ADAMTSL1: variants seen among roughly 807,000 people sequenced by gnomAD.
ADAMTSL1 encodes ADAMTS like 1.
In ADAMTSL1, 126 loss-of-function variants were observed where a neutral mutation model predicts 201.8. That is an observed-to-expected ratio of 0.62 (90% CI 0.54 to 0.72). The LOEUF is 0.72. Among genes scored for constraint, ADAMTSL1 ranks in the 30% least tolerant of loss-of-function variants. ADAMTSL1 has a pLI of 0.00. For synonymous variants in ADAMTSL1, 1,121 were observed against 903.4 expected (o/e 1.24, Z -4.32); for missense variants, 2,679 against 2,277.8 (o/e 1.18, Z -3.59).
chr9:18,728,303 A>C (rs983540266), intron 15 of ADAMTSL1, among the ~76,000 whole-genome samples: 3 of 152,094 alleles, frequency 2.0e-5, no homozygotes, highest in African/African-American at 7.2e-5. Flanking sequence ...CCTGAGAGGG[A>C]AGCTTTTCTG....
chr9:18,247,994 A>G (rs1170914353), intron 2 of ADAMTSL1, among the ~76,000 whole-genome samples: 1 of 152,166 alleles, frequency 6.6e-6, no homozygotes, highest in Non-Finnish European at 1.5e-5. Context: ...GGACTGGGGA[A>G]GACATTCCAA....
At chr9:18,151,357 A>C (rs1459548494) in intron 1 of ADAMTSL1, among the ~76,000 whole-genome samples, 7 of 152,056 alleles carry the variant, frequency 4.6e-5, no homozygotes, top group Non-Finnish European at 1.0e-4. Context: ...ACTAGCAATA[A>C]TTTTAGCTAA....
At chr9:18,421,957 C>T (rs1220050196) in intron 2 of ADAMTSL1, among the ~76,000 whole-genome samples, 2 of 152,142 alleles carry the variant, frequency 1.3e-5, no homozygotes, top group Non-Finnish European at 2.9e-5. Context: ...CTGCATAATC[C>T]TAGCAAAGTA....
chr9:18,720,336 T>C (rs1833256989), intron 14 of ADAMTSL1, among the ~76,000 whole-genome samples: 1 of 152,218 alleles, frequency 6.6e-6, no homozygotes, highest in East Asian at 1.9e-4. Flanking sequence ...AAATAGTGCT[T>C]ACTTTGTGCA....
intron 20 of ADAMTSL1, among the ~76,000 whole-genome samples, chr9:18,804,173 A>T (rs1422924854): frequency 1.3e-5 from 2 of 152,206 alleles, no homozygotes; most frequent in Admixed American, 6.5e-5. Context: ...ATGACTATCA[A>T]CTATTAACTC....
chr9:18,798,959 C>G (rs1822605529), intron 20 of ADAMTSL1, among the ~76,000 whole-genome samples: 1 of 152,088 alleles, frequency 6.6e-6, no homozygotes, highest in African/African-American at 2.4e-5. Context: ...TTGCTCCTCT[C>G]TAAACTCTTC....
intron 1 of ADAMTSL1, among the ~76,000 whole-genome samples, chr9:18,102,919 C>G (rs1225069723): frequency 1.3e-5 from 2 of 152,134 alleles, no homozygotes; most frequent in Non-Finnish European, 2.9e-5. Context: ...GAAAAAAATC[C>G]AGAGACGAAG....
intron 21 of ADAMTSL1, among the ~76,000 whole-genome samples, chr9:18,821,629 G>A (rs565287613): frequency 6.6e-6 from 1 of 152,286 alleles, no homozygotes; most frequent in Admixed American, 6.5e-5. Context: ...GGAGAAACGT[G>A]GAAGGCTGGA....
intron 2 of ADAMTSL1, among the ~76,000 whole-genome samples, chr9:18,168,404 C>T (rs541153252): frequency 6.6e-6 from 1 of 152,160 alleles, no homozygotes; most frequent in East Asian, 1.9e-4. Context: ...TGATAGTTTG[C>T]TGAGAATGAT....
At chr9:18,612,317 G>A (rs1825429897) in intron 4 of ADAMTSL1, among the ~76,000 whole-genome samples, 1 of 152,178 alleles carries the variant, frequency 6.6e-6, no homozygotes, top group African/African-American at 2.4e-5. Flanking sequence ...GGAACCAGTG[G>A]CAGAGAGTTT....
chr9:18,432,539 T>C (rs1368269404), intron 2 of ADAMTSL1, among the ~76,000 whole-genome samples: 1 of 152,182 alleles, frequency 6.6e-6, no homozygotes, highest in Admixed American at 6.5e-5. Context: ...CATTATTCTA[T>C]CTTTCCCATA....
chr9:18,803,633 C>G (rs959500234), intron 20 of ADAMTSL1, among the ~76,000 whole-genome samples: 3 of 152,168 alleles, frequency 2.0e-5, no homozygotes, highest in African/African-American at 7.2e-5. Flanking sequence ...GCTAGACTTT[C>G]TCACGATTTT....
At chr9:18,691,048 G>A (rs1831182980) in intron 13 of ADAMTSL1, among the ~76,000 whole-genome samples, 1 of 152,208 alleles carries the variant, frequency 6.6e-6, no homozygotes, top group African/African-American at 2.4e-5. Context: ...TGACCAAAGT[G>A]TTGAGTACTG....
chr9:18,403,528 T>C (rs1818067019), intron 2 of ADAMTSL1, among the ~76,000 whole-genome samples: 1 of 152,204 alleles, frequency 6.6e-6, no homozygotes, highest in Non-Finnish European at 1.5e-5. Context: ...AAGGAGACCT[T>C]GACCAATTTC....
intron 1 of ADAMTSL1, among the ~76,000 whole-genome samples, chr9:17,985,611 G>T (rs1588525067): frequency 6.6e-6 from 1 of 152,058 alleles, no homozygotes; most frequent in East Asian, 1.9e-4. Flanking sequence ...AGTTTAAGTG[G>T]ATGCAATTTA....
At chr9:18,177,692 G>A (rs1390616460) in intron 2 of ADAMTSL1, among the ~76,000 whole-genome samples, 1 of 152,160 alleles carries the variant, frequency 6.6e-6, no homozygotes, top group Non-Finnish European at 1.5e-5. Flanking sequence ...ACAAATGGAG[G>A]AACGGTGCAT....
chr9:18,819,166 A>C (rs1824047556), intron 21 of ADAMTSL1, among the ~76,000 whole-genome samples: 1 of 152,260 alleles, frequency 6.6e-6, no homozygotes, highest in East Asian at 1.9e-4. Context: ...GTAAAAGAAT[A>C]GGGGAGGGGC....
At chr9:18,088,226 T>G (rs945930361) in intron 1 of ADAMTSL1, among the ~76,000 whole-genome samples, 35 of 152,292 alleles carry the variant, frequency 2.3e-4, no homozygotes, top group Admixed American at 2.0e-3. Flanking sequence ...TATCTCTATC[T>G]TCATATACAA....
chr9:18,462,628 G>A (rs1378307498), intron 2 of ADAMTSL1, among the ~76,000 whole-genome samples: 1 of 152,150 alleles, frequency 6.6e-6, no homozygotes, highest in African/African-American at 2.4e-5. Flanking sequence ...GCAATCAAAA[G>A]GATTTAATCA....
Sources: gnomAD v4.1 joint callset for allele counts (sites outside exome capture counted in the v4.1 genomes callset) on GRCh38, gnomAD v4.1.1 for gene constraint, MANE v1.5 for transcripts, NCBI Gene and HGNC (gene_info 2026-07-23, HGNC 2026-07-21) for gene names.